The following SHROOM3 variants were observed in gnomAD, a reference collection of about 807,000 sequenced individuals.
SHROOM3 encodes the protein shroom family member 3.
SHROOM3 carries 47 observed loss-of-function variants against 138.6 expected under a neutral mutation model. The ratio of observed to expected loss-of-function variants is 0.34; its 90% confidence interval spans 0.27 to 0.43. SHROOM3 has a LOEUF of 0.43. Among genes scored for constraint, SHROOM3 ranks in the 20% least tolerant of loss-of-function variants. The probability of loss-of-function intolerance (pLI) is 1.00; values close to 1 mark genes in which losing one functional copy is unlikely to be tolerated. For missense variants in SHROOM3, 2,491 were observed against 2,596.5 expected, an observed-to-expected ratio of 0.96 and a Z score of 0.88; for synonymous variants, 1,062 against 1,063.3, an observed-to-expected ratio of 1.00 and a Z score of 0.02.
intron 3 of SHROOM3, 51 bp from the exon 4 acceptor site, chr4:76,730,753 C>T: frequency 6.2e-7 from 1 of 1,612,502 alleles, no homozygotes; most frequent in Non-Finnish European, 8.5e-7. Flanking sequence ...AGTGAGGAGA[C>T]TCAGCTGAGA....
chr4:76,636,247 C>T, intron 2 of SHROOM3, among the ~76,000 whole-genome samples: 1 of 152,168 alleles, frequency 6.6e-6, no homozygotes. Flanking sequence ...ACAAATATTT[C>T]AAGAAACACC....
chr4:76,608,466 C>G (rs973385989), intron 2 of SHROOM3, among the ~76,000 whole-genome samples: 7 of 151,786 alleles, frequency 4.6e-5, no homozygotes, highest in Non-Finnish European at 8.8e-5. Flanking sequence ...TTCTCTCAGT[C>G]CATTGGCCTG....
At position 76,754,454 on chromosome 4, in the gene SHROOM3, G is replaced by A. The variant is rs1442194846; in HGVS notation, c.3971G>A (p.Arg1324Lys). The change falls in exon 7 of 11, where the codon AGG (arginine) becomes AAG (lysine). Residue 1324 changes from arginine (R) to lysine (K), a missense_variant. This residue lies in a region of SHROOM3 where 1,733 missense variants were observed against 1,661.6 expected (regional missense o/e 1.04). Transcript: ENST00000296043. ...SECPGTLDHQ[R>K]QASRTPCPRP... ...TGTCCTGGAACCCTGGACCATCAGA[G>A]GCAAGCCAGTAGGACACCCTGCCCC... 1.9e-6 allele frequency: 3 copies of A among 1,614,010 alleles called. No individual in the cohort carries two copies. Among genetic ancestry groups the A allele is most frequent in the African/African-American group, 2.7e-5 (2 of 74,912 alleles).
chr4:76,627,250 C>G (rs1008092882), intron 2 of SHROOM3, among the ~76,000 whole-genome samples: 10 of 152,140 alleles, frequency 6.6e-5, no homozygotes, highest in Admixed American at 2.0e-4. Context: ...GAGCAGCCTG[C>G]AGGGGGAGAT....
Position 76,779,659 on chromosome 4 carries a change from T to C in SHROOM3, c.*482T>C, listed in dbSNP as rs2109801190. 1 of 156,048 alleles carries C rather than the reference T, an allele frequency of 6.4e-6. No homozygotes were observed. Among genetic ancestry groups the C allele is most frequent in the Non-Finnish European group, 1.4e-5 (1 of 70,016 alleles). 9.7% of individuals were successfully genotyped at this position (156,048 alleles called of 1,614,324 possible). A position where few individuals can be genotyped will look rare whatever the true frequency, so the allele number is the denominator to read the frequency against. ...AAACCTTGAACATTGTTATTTATAT[T>C]TTTTAAAATGGAAAAGATCACTATG... On this transcript the variant is annotated 3_prime_UTR_variant, in exon 11 of 11. Transcript: ENST00000296043.
intron 2 of SHROOM3, among the ~76,000 whole-genome samples, chr4:76,619,729 G>A (rs1734956039): frequency 6.6e-6 from 1 of 152,108 alleles, no homozygotes; most frequent in South Asian, 2.1e-4. Flanking sequence ...GTAGAATGAA[G>A]TAGAGGGGAC....
At chr4:76,601,649 T>G (rs1292689650) in intron 2 of SHROOM3, among the ~76,000 whole-genome samples, 1 of 151,434 alleles carries the variant, frequency 6.6e-6, no homozygotes, top group Non-Finnish European at 1.5e-5. Flanking sequence ...GGACTACAGG[T>G]GCGCCACCAA....
At chr4:76,485,347 T>A (rs71607357) in intron 1 of SHROOM3, among the ~76,000 whole-genome samples, 1 of 152,292 alleles carries the variant, frequency 6.6e-6, no homozygotes, top group South Asian at 2.1e-4. Flanking sequence ...TAAATATAAA[T>A]AGAAAAACTC....
At position 76,677,256 on chromosome 4, in the gene SHROOM3, A is replaced by G. The variant is rs373278178; in HGVS notation, c.324-32900A>G. Among the ~76,000 whole-genome samples, 3 of 152,214 alleles carry G rather than the reference A, an allele frequency of 2.0e-5. No individual in the cohort carries two copies. In the East Asian group the frequency reaches 5.8e-4, roughly 29 times the overall value. On this transcript the variant is annotated intron_variant, in intron 2 of 10. Transcript: ENST00000296043. ...TTCCTTTACCTTCTAGGAGATAGCAAACTTTGTCCTCTTATTAAAATAGTT... is the reference window on the plus strand; with the variant it reads ...TTCCTTTACCTTCTAGGAGATAGCAGACTTTGTCCTCTTATTAAAATAGTT...
At chr4:76,493,938 C>T (rs541452473) in intron 1 of SHROOM3, among the ~76,000 whole-genome samples, 249 of 152,270 alleles carry the variant, frequency 1.6e-3, no homozygotes, top group African/African-American at 5.7e-3. Context: ...GAGATTATGC[C>T]ACTGCACTCC....
chr4:76,490,640 A>G (rs1324675108), intron 1 of SHROOM3, among the ~76,000 whole-genome samples: 1 of 152,182 alleles, frequency 6.6e-6, no homozygotes, highest in Non-Finnish European at 1.5e-5. Context: ...AAACAGCCTT[A>G]GGTTCCCTGC....
intron 5 of SHROOM3, 122 bp from the exon 6 acceptor site, chr4:76,748,895 G>A (rs1721536180): frequency 9.3e-6 from 7 of 750,270 alleles, no homozygotes; most frequent in South Asian, 6.8e-5. Flanking sequence ...GTGCCACCAC[G>A]TGGCCTGACA....
chr4:76,477,133 A>G (rs1315186852), intron 1 of SHROOM3, among the ~76,000 whole-genome samples: 1 of 151,934 alleles, frequency 6.6e-6, no homozygotes, highest in African/African-American at 2.4e-5. Context: ...ACGCCCGGCT[A>G]ATTTTTAATA....
rs1323700820 is a variant in SHROOM3 at position 76,779,910 on chromosome 4, A to T, written c.*733A>T. 6.6e-6 allele frequency: 1 copy of T among 152,590 alleles called. No homozygotes were observed. The highest frequency in any genetic ancestry group is 1.9e-4 in the East Asian group (1 of 5,182). 9.5% of individuals were successfully genotyped at this position (152,590 alleles called of 1,614,324 possible). A position where few individuals can be genotyped will look rare whatever the true frequency, so the allele number is the denominator to read the frequency against. On this transcript the variant is annotated 3_prime_UTR_variant, in exon 11 of 11. Transcript: ENST00000296043. Reference sequence around the variant, plus strand: ...GGGAGTCCTGCTCCCCTCCTGTCTCACACCTTCCCCAGGAGGAAGGCCTCA... The same window carrying T: ...GGGAGTCCTGCTCCCCTCCTGTCTCTCACCTTCCCCAGGAGGAAGGCCTCA...
chr4:76,516,585 A>G (rs1210670780), intron 1 of SHROOM3, among the ~76,000 whole-genome samples: 1 of 152,002 alleles, frequency 6.6e-6, no homozygotes, highest in Non-Finnish European at 1.5e-5. Flanking sequence ...TGAAAACAGG[A>G]GCATGATTTA....
At chr4:76,624,821 AG>A (rs1735092919) in intron 2 of SHROOM3, among the ~76,000 whole-genome samples, 1 of 152,248 alleles carries the variant, frequency 6.6e-6, no homozygotes, top group African/African-American at 2.4e-5. Context: ...AATTAAAGCC[AG>A]GTAAGACTTG....
At chr4:76,627,009 T>G (rs1735164617) in intron 2 of SHROOM3, among the ~76,000 whole-genome samples, 1 of 152,188 alleles carries the variant, frequency 6.6e-6, no homozygotes, top group African/African-American at 2.4e-5. Flanking sequence ...GTTGGGAGTC[T>G]TCCTATGTCC....
At chr4:76,576,091 G>A (rs1733931652) in intron 2 of SHROOM3, among the ~76,000 whole-genome samples, 1 of 152,098 alleles carries the variant, frequency 6.6e-6, no homozygotes, top group Non-Finnish European at 1.5e-5. Flanking sequence ...ACAGTTCAAG[G>A]TTTCTCAAAA....
At chr4:76,653,959 TA>T (rs1378299537) in intron 2 of SHROOM3, among the ~76,000 whole-genome samples, 1 of 152,152 alleles carries the variant, frequency 6.6e-6, no homozygotes, top group Non-Finnish European at 1.5e-5. Flanking sequence ...GTTTTTGCCT[TA>T]AATAGAAGAC....
Sources: allele counts gnomAD v4.1 joint callset (sites outside exome capture counted in the v4.1 genomes callset), GRCh38; gene constraint gnomAD v4.1.1; regional missense constraint gnomAD v4.1.1; transcripts MANE v1.5; gene names NCBI Gene and HGNC (gene_info 2026-07-23, HGNC 2026-07-21).